CPEB4: variants seen among roughly 807,000 people sequenced by gnomAD.
CPEB4 encodes the protein cytoplasmic polyadenylation element-binding protein 4.
In CPEB4, 12 loss-of-function variants were observed where a neutral mutation model predicts 72.5. That is an observed-to-expected ratio of 0.17 (90% CI 0.11 to 0.27). CPEB4 has a LOEUF of 0.27. Among genes scored for constraint, CPEB4 ranks in the 10% least tolerant of loss-of-function variants. The pLI is 1.00. For missense variants in CPEB4, 614 were observed against 908.5 expected (o/e 0.68, Z 4.17); for synonymous variants, 302 against 326.3 (o/e 0.93, Z 0.80).
At position 173,949,503 on chromosome 5, in the gene CPEB4, A is replaced by G. The variant is rs12652907; in HGVS notation, c.1457-5A>G. The G allele has an allele frequency of 0.1, 163,296 of 1,595,994 alleles. 16,932 individuals carry two copies. Among genetic ancestry groups the G allele is most frequent in the East Asian group, 0.51 (22,581 of 44,654 alleles). ...AATCTACTGTTTTCCTTTGTTGTTT[A>G]TTAGATGAGATCACAGCTAGTTTTC... is the stretch of plus-strand genomic sequence containing the variant. On this transcript the variant is annotated splice_polypyrimidine_tract_variant and splice_region_variant and intron_variant, in intron 5 of 9. Transcript: ENST00000265085.
At position 173,956,319 on chromosome 5, in the gene CPEB4, A is replaced by G. The variant is rs1758375714; in HGVS notation, c.*182A>G. On this transcript the variant is annotated 3_prime_UTR_variant, in exon 10 of 10. Coordinates refer to ENST00000265085, the MANE Select transcript of CPEB4 (RefSeq NM_030627.4). ...TTTGTAGATTCTTGTGTCACTGCAAACAATATGAACTCCTTTTTCGTATTG... is the reference window on the plus strand; with the variant it reads ...TTTGTAGATTCTTGTGTCACTGCAAGCAATATGAACTCCTTTTTCGTATTG... 9.5e-6 allele frequency: 5 copies of G among 525,836 alleles called. No homozygotes were observed. The highest frequency in any genetic ancestry group is 1.7e-5 in the Non-Finnish European group (5 of 296,394). 32.6% of individuals were successfully genotyped at this position (525,836 alleles called of 1,614,324 possible).
At chr5:173,927,838 C>T (rs939572925) in intron 2 of CPEB4, among the ~76,000 whole-genome samples, 2 of 152,000 alleles carry the variant, frequency 1.3e-5, no homozygotes, top group African/African-American at 2.4e-5. Context: ...CAAAAGCCTG[C>T]GTGCACATAG....
intron 1 of CPEB4, among the ~76,000 whole-genome samples, chr5:173,895,927 G>A (rs1755990941): frequency 6.6e-6 from 1 of 152,082 alleles, no homozygotes; most frequent in African/African-American, 2.4e-5. Context: ...CCTGTTTATC[G>A]CAAGCCTAAT....
At chr5:173,948,223 T>C (rs557661265) in intron 5 of CPEB4, among the ~76,000 whole-genome samples, 2 of 152,330 alleles carry the variant, frequency 1.3e-5, no homozygotes, top group East Asian at 3.9e-4. Context: ...GCAACCATTA[T>C]TGTGGTAGTT....
At chr5:173,890,965 T>G in intron 1 of CPEB4, 107 bp downstream of exon 1, 1 of 1,065,098 alleles carries the variant, frequency 9.4e-7, no homozygotes, top group Middle Eastern at 2.9e-4. Context: ...GAGCTTTTCT[T>G]AGAGAGAAAA....
intron 2 of CPEB4, among the ~76,000 whole-genome samples, chr5:173,929,164 C>CCAAG (rs1006333176): frequency 2.4e-4 from 37 of 152,064 alleles, no homozygotes; most frequent in African/African-American, 8.9e-4. Context: ...ACTTATAAGG[C>CCAAG]CAAGGGACAG....
intron 2 of CPEB4, among the ~76,000 whole-genome samples, chr5:173,913,712 G>T (rs1756762644): frequency 6.6e-6 from 1 of 152,018 alleles, no homozygotes; most frequent in African/African-American, 2.4e-5. Flanking sequence ...CAAAAGTTAG[G>T]TCTGATGACA....
Position 173,889,328 on chromosome 5 carries a change from T to C in CPEB4, c.-406T>C, listed in dbSNP as rs1212023403. The C allele has an allele frequency of 1.9e-5, 3 of 155,684 alleles. No homozygotes were observed. Among genetic ancestry groups the C allele is most frequent in the African/African-American group, 7.2e-5 (3 of 41,516 alleles). The allele number at this position is 155,684 out of a possible 1,614,324, so 9.6% of individuals were successfully genotyped here. A position where few individuals can be genotyped will look rare whatever the true frequency, so the allele number is the denominator to read the frequency against. The stretch of plus-strand genomic sequence containing the variant: ...ATATGTGATTGTTAAATTATATATA[T>C]CTATATTTTTACTCCGCGCAAGGCT... On this transcript the variant is annotated 5_prime_UTR_variant, in exon 1 of 10. Transcript: ENST00000265085.
chr5:173,932,488 C>T lies in CPEB4; in HGVS notation c.1246C>T (p.Leu416=). ...TTCATATCCAGGATCCGATAGCTCT[C>T]TGCTTATTAATGGTAAGTGATAATT... ...NYSYPGSDSS[L]LINARTYGRR... Residue 416 remains leucine (L), a synonymous_variant, in exon 3 of 10, where the codon CTG becomes TTG. Transcript: ENST00000265085. 6.2e-7 allele frequency: 1 copy of T among 1,612,266 alleles called. No individual in the cohort carries two copies. The highest frequency in any genetic ancestry group is 2.2e-5 in the East Asian group (1 of 44,794).
At chr5:173,949,826 T>C (rs537363706) in intron 6 of CPEB4, 134 bp from the exon 7 acceptor site, 3 of 755,698 alleles carry the variant, frequency 4.0e-6, no homozygotes, top group Non-Finnish European at 6.8e-6. Flanking sequence ...GTCATCAGAC[T>C]TTTGGTATAA....
At chr5:173,904,380 C>T (rs1434135012) in intron 1 of CPEB4, among the ~76,000 whole-genome samples, 1 of 152,104 alleles carries the variant, frequency 6.6e-6, no homozygotes, top group African/African-American at 2.4e-5. Context: ...TAGTAGATAA[C>T]CCAGAGATGC....
intron 1 of CPEB4, among the ~76,000 whole-genome samples, chr5:173,891,786 G>T (rs1335536999): frequency 6.6e-6 from 1 of 151,986 alleles, no homozygotes; most frequent in Non-Finnish European, 1.5e-5. Flanking sequence ...ATACTTTGAG[G>T]GTATGATTAT....
At chr5:173,896,637 C>T (rs1252239951) in intron 1 of CPEB4, among the ~76,000 whole-genome samples, 1 of 152,148 alleles carries the variant, frequency 6.6e-6, no homozygotes, top group African/African-American at 2.4e-5. Context: ...TAATTATTTA[C>T]TATATGAAGC....
At chr5:173,928,122 CAG>C (rs1429122680) in intron 2 of CPEB4, among the ~76,000 whole-genome samples, 3 of 151,964 alleles carry the variant, frequency 2.0e-5, no homozygotes, top group Non-Finnish European at 2.9e-5. Flanking sequence ...ATAAAAAGGT[CAG>C]GGGTTGGGGG....
At chr5:173,894,536 G>A (rs189574214) in intron 1 of CPEB4, among the ~76,000 whole-genome samples, 155 of 150,182 alleles carry the variant, frequency 1.0e-3, no homozygotes, top group African/African-American at 3.7e-3. Flanking sequence ...CAGGAGAATC[G>A]CTTGATCCCA....
At chr5:173,929,316 A>AGTTTGTGATAAAGTGGAACTTC (rs1757357303) in intron 2 of CPEB4, among the ~76,000 whole-genome samples, 1 of 152,192 alleles carries the variant, frequency 6.6e-6, no homozygotes, top group African/African-American at 2.4e-5. Context: ...CCAAAACATG[A>AGTTTGTGATAAAGTGGAACTTC]GTTTGTGATA....
intron 3 of CPEB4, among the ~76,000 whole-genome samples, chr5:173,938,701 CAT>C (rs1346957960): frequency 3.3e-5 from 5 of 152,152 alleles, no homozygotes; most frequent in African/African-American, 1.2e-4. Flanking sequence ...TCCACTAAAA[CAT>C]AGTAATATCT....
chr5:173,948,140 G>A (rs1561631506), intron 5 of CPEB4, among the ~76,000 whole-genome samples: 1 of 152,076 alleles, frequency 6.6e-6, no homozygotes, highest in Non-Finnish European at 1.5e-5. Flanking sequence ...TGGGACAGAT[G>A]GAAAACTCTT....
chr5:173,899,379 A>AT (rs1357677362), intron 1 of CPEB4, among the ~76,000 whole-genome samples: 1 of 152,032 alleles, frequency 6.6e-6, no homozygotes, highest in Non-Finnish European at 1.5e-5. Context: ...AAACATTAAA[A>AT]TTTTTTTCAA....
Sources: gnomAD v4.1 joint callset for allele counts (sites outside exome capture counted in the v4.1 genomes callset) on GRCh38, gnomAD v4.1.1 for gene constraint, MANE v1.5 for transcripts, NCBI Gene and HGNC (gene_info 2026-07-23, HGNC 2026-07-21) for gene names.